BICD1: variants seen among roughly 807,000 people sequenced by gnomAD.
The protein encoded by BICD1 is BICD cargo adaptor 1.
In BICD1, 35 loss-of-function variants were observed where a neutral mutation model predicts 92.5. That is an observed-to-expected ratio of 0.38 (90% CI 0.29 to 0.50). The LOEUF (loss-of-function observed/expected upper bound fraction) is 0.50, where lower values mean the gene tolerates loss of function less well. Among genes scored for constraint, BICD1 ranks in the 20% least tolerant of loss-of-function variants. BICD1 has a pLI of 0.93. For synonymous variants in BICD1, 429 were observed against 465.1 expected, an observed-to-expected ratio of 0.92 and a Z score of 1.00; for missense variants, 950 against 1,189.8, an observed-to-expected ratio of 0.80 and a Z score of 2.97.
chr12:32,272,099 A>T (rs1592591650), intron 2 of BICD1, among the ~76,000 whole-genome samples: 1 of 152,204 alleles, frequency 6.6e-6, no homozygotes, highest in Non-Finnish European at 1.5e-5. Flanking sequence ...CATATTAGTT[A>T]TATATTGTTA....
intron 8 of BICD1, among the ~76,000 whole-genome samples, chr12:32,365,287 T>C (rs1449484704): frequency 6.6e-6 from 1 of 152,116 alleles, no homozygotes; most frequent in African/African-American, 2.4e-5. Context: ...ATGATGTTAC[T>C]TCTAATGAAG....
intron 1 of BICD1, among the ~76,000 whole-genome samples, chr12:32,142,463 T>TATCCTATCTATCTATCTATCA (rs1402744496): frequency 1.1e-5 from 1 of 88,954 alleles, no homozygotes; most frequent in Non-Finnish European, 2.3e-5. Flanking sequence ...CCTATCTATC[T>TATCCTATCTATCTATCTATCA]ATCTATCTAT....
At chr12:32,143,396 AC>A (rs1317031533) in intron 1 of BICD1, among the ~76,000 whole-genome samples, 1 of 152,008 alleles carries the variant, frequency 6.6e-6, no homozygotes, top group Non-Finnish European at 1.5e-5. Context: ...TGCTTTTTGA[AC>A]TTTACATGAA....
intron 4 of BICD1, among the ~76,000 whole-genome samples, chr12:32,314,918 C>T (rs2136233638): frequency 6.6e-6 from 1 of 152,280 alleles, no homozygotes; most frequent in South Asian, 2.1e-4. Context: ...GTAGCTGGGA[C>T]TACAGGCGCA....
chr12:32,272,597 C>G (rs182555816), intron 2 of BICD1, among the ~76,000 whole-genome samples: 43 of 152,254 alleles, frequency 2.8e-4, no homozygotes, highest in East Asian at 2.1e-3. Context: ...TGGGGAATTT[C>G]TTCAGACTGA....
intron 4 of BICD1, among the ~76,000 whole-genome samples, chr12:32,320,951 A>G (rs900822598): frequency 1.3e-4 from 20 of 152,354 alleles, no homozygotes; most frequent in African/African-American, 4.8e-4. Flanking sequence ...ACAAATGGAA[A>G]TTAAAATAGT....
intron 4 of BICD1, among the ~76,000 whole-genome samples, chr12:32,324,731 T>C (rs1049543714): frequency 2.6e-5 from 4 of 151,936 alleles, no homozygotes; most frequent in African/African-American, 7.2e-5. Flanking sequence ...GCGTGCCACC[T>C]TGCCCGGCTA....
chr12:32,348,097 TTTTTA>T (rs1938697403), intron 8 of BICD1, among the ~76,000 whole-genome samples: 1 of 152,174 alleles, frequency 6.6e-6, no homozygotes, highest in Non-Finnish European at 1.5e-5. Flanking sequence ...CCTATTCGTG[TTTTTA>T]TTTTGTTTTA....
chr12:32,352,407 A>T (rs1938928322), intron 8 of BICD1: 1 of 151,456 alleles, frequency 6.6e-6, no homozygotes, highest in South Asian at 2.1e-4. Flanking sequence ...AATCACTTGA[A>T]TCTAGGAAGC....
chr12:32,238,692 C>T (rs1045698705), intron 2 of BICD1, among the ~76,000 whole-genome samples: 1 of 152,122 alleles, frequency 6.6e-6, no homozygotes, highest in Non-Finnish European at 1.5e-5. Context: ...CGCCTGTAAT[C>T]CCAGCACTTT....
intron 6 of BICD1, among the ~76,000 whole-genome samples, chr12:32,336,428 G>C (rs1050313053): frequency 6.6e-6 from 1 of 152,138 alleles, no homozygotes; most frequent in East Asian, 1.9e-4. Flanking sequence ...TGAAATCTTG[G>C]TTTTTGCAGG....
chr12:32,117,337 C>T (rs1311064069), intron 1 of BICD1, among the ~76,000 whole-genome samples: 2 of 152,058 alleles, frequency 1.3e-5, no homozygotes, highest in Non-Finnish European at 1.5e-5. Flanking sequence ...GTTTTTTATA[C>T]TTTTCCCACC....
intron 5 of BICD1, chr12:32,332,462 C>T: frequency 2.0e-6 from 2 of 981,784 alleles, no homozygotes; most frequent in Non-Finnish European, 2.4e-6. Flanking sequence ...AGGCACAGTG[C>T]CTTCTGATGA....
At chr12:32,330,423 G>A in intron 5 of BICD1, among the ~76,000 whole-genome samples, 1 of 135,222 alleles carries the variant, frequency 7.4e-6, no homozygotes. Flanking sequence ...GGGGCCTGTT[G>A]TGGGGTGGGG....
intron 4 of BICD1, among the ~76,000 whole-genome samples, chr12:32,323,455 G>A (rs1948704343): frequency 6.6e-6 from 1 of 152,148 alleles, no homozygotes; most frequent in South Asian, 2.1e-4. Context: ...TCCTTGCATA[G>A]GTTACCAAAC....
At position 32,298,944 on chromosome 12, in the gene BICD1, T is replaced by A. The variant is rs557085303; in HGVS notation, c.579+4798T>A. Among the ~76,000 whole-genome samples the A allele has an allele frequency of 9.2e-5, 14 of 152,224 alleles. No individual in the cohort carries two copies. The East Asian group carries it at 2.7e-3, about 29-fold the overall frequency. On this transcript the variant is annotated intron_variant, in intron 3 of 9. Transcript: ENST00000652176. Reference sequence around the variant, plus strand: ...CTAGGAAATGTATTCAGTTGTTTTATTTCATTTAACCGGTATTTCAGGGGT... The same window carrying A: ...CTAGGAAATGTATTCAGTTGTTTTAATTCATTTAACCGGTATTTCAGGGGT...
intron 2 of BICD1, among the ~76,000 whole-genome samples, chr12:32,219,882 T>G (rs2121560760): frequency 6.6e-6 from 1 of 152,288 alleles, no homozygotes; most frequent in Non-Finnish European, 1.5e-5. Context: ...ATGGTACTGG[T>G]ACCAAAACAG....
intron 1 of BICD1, among the ~76,000 whole-genome samples, chr12:32,130,610 C>G (rs1206037181): frequency 1.3e-5 from 2 of 152,122 alleles, no homozygotes; most frequent in Admixed American, 1.3e-4. Context: ...AAAATGCATA[C>G]AGTGCTTGGG....
intron 2 of BICD1, among the ~76,000 whole-genome samples, chr12:32,233,816 C>T (rs984567330): frequency 2.6e-5 from 4 of 152,046 alleles, no homozygotes; most frequent in East Asian, 3.9e-4. Flanking sequence ...CTTTTTTTTA[C>T]GTCTTGACCT....
Sources: allele counts gnomAD v4.1 joint callset (sites outside exome capture counted in the v4.1 genomes callset), GRCh38; gene constraint gnomAD v4.1.1; transcripts MANE v1.5; gene names NCBI Gene and HGNC (gene_info 2026-07-23, HGNC 2026-07-21).